The following CACNA1D variants were observed in gnomAD, a reference collection of about 807,000 sequenced individuals.
CACNA1D encodes calcium voltage-gated channel subunit alpha1 D.
CACNA1D carries 55 observed loss-of-function variants against 257.1 expected under a neutral mutation model. The ratio of observed to expected loss-of-function variants is 0.21; its 90% CI spans 0.17 to 0.27. The LOEUF (loss-of-function observed/expected upper bound fraction) is 0.27, where lower values mean the gene tolerates loss of function less well. CACNA1D is among the 10% of genes least tolerant of loss of function. CACNA1D has a pLI of 1.00. For missense variants in CACNA1D, 1,876 were observed against 2,784.0 expected (o/e 0.67, Z 7.34); for synonymous variants, 980 against 1,014.9 (o/e 0.97, Z 0.65).
At chr3:53,510,846 A>G (rs1459170236) in intron 3 of CACNA1D, among the ~76,000 whole-genome samples, 1 of 152,132 alleles carries the variant, frequency 6.6e-6, no homozygotes, top group Non-Finnish European at 1.5e-5. Context: ...TGAGCCCTAG[A>G]TTTTAGGAAT....
chr3:53,526,148 C>T (rs150807369), intron 3 of CACNA1D, among the ~76,000 whole-genome samples: 237 of 152,314 alleles, frequency 1.6e-3, no homozygotes, highest in Middle Eastern at 3.4e-3. Flanking sequence ...GTCACGCGCA[C>T]ATCCGGAACC....
At chr3:53,520,622 C>T (rs535783563) in intron 3 of CACNA1D, among the ~76,000 whole-genome samples, 17 of 152,104 alleles carry the variant, frequency 1.1e-4, no homozygotes, top group Non-Finnish European at 2.5e-4. Context: ...AAAAAATAGT[C>T]AGACATGGTC....
intron 3 of CACNA1D, among the ~76,000 whole-genome samples, chr3:53,591,285 C>T (rs747180074): frequency 1.3e-5 from 2 of 152,112 alleles, no homozygotes; most frequent in Non-Finnish European, 2.9e-5. Flanking sequence ...CAGAGTCTCA[C>T]TCTGTTGCCA....
At chr3:53,685,966 C>T (rs576643126) in intron 8 of CACNA1D, among the ~76,000 whole-genome samples, 7 of 151,538 alleles carry the variant, frequency 4.6e-5, no homozygotes, top group Admixed American at 3.3e-4. Context: ...ATTTAGAAAG[C>T]GTAATAAAAA....
At chr3:53,762,607 C>T (rs992812857) in intron 30 of CACNA1D, 2 of 456,678 alleles carry the variant, frequency 4.4e-6, no homozygotes, top group Non-Finnish European at 8.8e-6. Flanking sequence ...TTGGTAGCGT[C>T]GTTGATATTG....
chr3:53,755,611 T>C (rs1458029928), intron 29 of CACNA1D, among the ~76,000 whole-genome samples: 2 of 152,174 alleles, frequency 1.3e-5, no homozygotes, highest in Non-Finnish European at 2.9e-5. Context: ...GCAAGATATC[T>C]TCATAGCATT....
At position 53,800,311 on chromosome 3, in the gene CACNA1D, G is replaced by T; in HGVS notation, c.4986G>T (p.Leu1662Phe). 6.2e-7 allele frequency: 1 copy of T among 1,614,072 alleles called. No individual in the cohort carries two copies. The highest frequency in any genetic ancestry group is 8.5e-7 in the Non-Finnish European group (1 of 1,179,906). Residue 1662 changes from leucine to phenylalanine, a missense_variant, in exon 41 of 48, where the codon TTG (leucine) becomes TTT (phenylalanine). Physicochemically the swap from Leu to Phe is conservative, Grantham distance 22. Transcript: ENST00000350061. This position sits in a 1 kb window ranked among gnomAD's most constrained non-coding sequence, Gnocchi z 4.3. Reference protein sequence around the residue: ...PEIRRAISCDLQDDEPEETKR... With the variant: ...PEIRRAISCDFQDDEPEETKR... ...TCCGGCGTGCTATATCGTGTGATTTGCAAGATGACGAGCCTGAGGAAACAA... is the reference window on the plus strand; with the variant it reads ...TCCGGCGTGCTATATCGTGTGATTTTCAAGATGACGAGCCTGAGGAAACAA...
intron 3 of CACNA1D, among the ~76,000 whole-genome samples, chr3:53,583,023 T>C (rs188725728): frequency 6.6e-6 from 1 of 152,308 alleles, no homozygotes; most frequent in East Asian, 1.9e-4. Context: ...AAGTTTGTAG[T>C]GGAAAGCTCC....
intron 3 of CACNA1D, among the ~76,000 whole-genome samples, chr3:53,553,593 A>C (rs1312616502): frequency 6.6e-6 from 1 of 152,184 alleles, no homozygotes; most frequent in Non-Finnish European, 1.5e-5. Flanking sequence ...TAGAAAAAGA[A>C]ATAGTTGTTA....
In CACNA1D at chr3:53,800,440, C is replaced by A; in HGVS notation, c.5040+75C>A. The A allele has an allele frequency of 2.0e-6, 2 of 1,001,606 alleles. No individual in the cohort carries two copies. Among genetic ancestry groups the A allele is most frequent in the Non-Finnish European group, 3.2e-6 (2 of 621,210 alleles). 62.0% of individuals were successfully genotyped at this position (1,001,606 alleles called of 1,614,324 possible). A position where few individuals can be genotyped will look rare whatever the true frequency, so the allele number is the denominator to read the frequency against. On this transcript the variant is annotated intron_variant, in intron 41 of 47. Transcript: ENST00000350061. The surrounding 1 kb of genome is among the most constrained non-coding windows in gnomAD (Gnocchi z 4.3). ...CAGGACTCCAGTTTGGGCAGTTAAT[C>A]ATCCACAGAAGAGTCTGGAGAATGC...
chr3:53,587,893 G>A (rs576883695), intron 3 of CACNA1D, among the ~76,000 whole-genome samples: 1 of 152,184 alleles, frequency 6.6e-6, no homozygotes, highest in South Asian at 2.1e-4. Flanking sequence ...CAGAACTCAC[G>A]GTTGGTTGTA....
chr3:53,610,620 G>A (rs2093571083), intron 3 of CACNA1D, among the ~76,000 whole-genome samples: 1 of 152,194 alleles, frequency 6.6e-6, no homozygotes. Context: ...TCCAGTTGAA[G>A]TGTTTGTGTC....
intron 4 of CACNA1D, among the ~76,000 whole-genome samples, chr3:53,656,542 A>G (rs928437994): frequency 2.0e-5 from 3 of 152,220 alleles, no homozygotes; most frequent in Admixed American, 1.3e-4. Flanking sequence ...CTCGGGACAC[A>G]AAAAGCTCCA....
chr3:53,522,561 A>C (rs570800660), intron 3 of CACNA1D, among the ~76,000 whole-genome samples: 1 of 152,234 alleles, frequency 6.6e-6, no homozygotes, highest in Non-Finnish European at 1.5e-5. Context: ...TGGAGAGGTT[A>C]GCTCCTAAAA....
intron 21 of CACNA1D, among the ~76,000 whole-genome samples, chr3:53,741,713 G>A (rs2095120265): frequency 6.6e-6 from 1 of 152,258 alleles, no homozygotes; most frequent in Admixed American, 6.5e-5. Context: ...GAGGGATGCC[G>A]CCAGAACACT....
At chr3:53,735,578 G>A (rs1223770584) in intron 20 of CACNA1D, 75 bp downstream of exon 20, 1 of 1,527,284 alleles carries the variant, frequency 6.5e-7, no homozygotes, top group African/African-American at 1.4e-5. Flanking sequence ...AGAGATGGGA[G>A]CTGTGGAGGC....
chr3:53,520,435 C>T (rs2091507769), intron 3 of CACNA1D, among the ~76,000 whole-genome samples: 1 of 152,158 alleles, frequency 6.6e-6, no homozygotes, highest in Non-Finnish European at 1.5e-5. Context: ...CCGTTTGTAT[C>T]AAATCCTTTG....
intron 3 of CACNA1D, among the ~76,000 whole-genome samples, chr3:53,543,137 G>GAAAT (rs913301512): frequency 2.0e-5 from 3 of 147,162 alleles, no homozygotes; most frequent in South Asian, 2.2e-4. Context: ...AATAAAGAAA[G>GAAAT]AAATAAATAA....
chr3:53,521,320 G>A (rs948576751), intron 3 of CACNA1D, among the ~76,000 whole-genome samples: 1 of 152,146 alleles, frequency 6.6e-6, no homozygotes, highest in Non-Finnish European at 1.5e-5. Flanking sequence ...GGTGTTCCAG[G>A]CATGAGCTAC....
Sources: gnomAD v4.1 joint callset for allele counts (sites outside exome capture counted in the v4.1 genomes callset) on GRCh38, gnomAD v4.1.1 for gene constraint, Gnocchi (gnomAD v3.1) non-coding constraint, MANE v1.5 for transcripts, NCBI Gene and HGNC (gene_info 2026-07-23, HGNC 2026-07-21) for gene names.